The following EYS variants were observed in gnomAD, a reference collection of about 807,000 sequenced individuals.
EYS encodes the protein EGF-like photoreceptor maintenance factor.
A neutral mutation model predicts 282.1 loss-of-function variants in EYS; 250 were observed. That is an observed-to-expected ratio of 0.89 (90% CI 0.80 to 0.98). The LOEUF (loss-of-function observed/expected upper bound fraction) is 0.98. Among genes scored for constraint, EYS ranks in the 50% least tolerant of loss-of-function variants. EYS has a pLI of 0.00. For missense variants in EYS, 4,016 were observed against 3,709.0 expected (o/e 1.08, Z -2.15); for synonymous variants, 1,355 against 1,282.9 (o/e 1.06, Z -1.20).
chr6:64,030,240 AAAG>A (rs1366716054), intron 33 of EYS, among the ~76,000 whole-genome samples: 3 of 152,170 alleles, frequency 2.0e-5, no homozygotes, highest in African/African-American at 7.2e-5. Context: ...AGGAAGAGAC[AAAG>A]AAGAAGTCGA....
intron 22 of EYS, among the ~76,000 whole-genome samples, chr6:64,808,817 AT>A (rs1764511854): frequency 6.6e-6 from 1 of 152,218 alleles, no homozygotes; most frequent in East Asian, 1.9e-4. Context: ...TAGTTCTAAA[AT>A]AATTTAAAAT....
intron 12 of EYS, among the ~76,000 whole-genome samples, chr6:65,274,461 G>A (rs115148306): frequency 0.027 from 4,081 of 152,254 alleles, 75 homozygotes; most frequent in Non-Finnish European, 0.044. Flanking sequence ...GAGCAAATTA[G>A]CACATCTCCT....
At chr6:64,588,001 T>TG (rs1297512990) in intron 26 of EYS, among the ~76,000 whole-genome samples, 1 of 152,030 alleles carries the variant, frequency 6.6e-6, no homozygotes, top group Non-Finnish European at 1.5e-5. Flanking sequence ...TTTCCTTCAT[T>TG]GCCAGATAAT....
At chr6:65,386,717 A>T (rs1765816991) in intron 7 of EYS, among the ~76,000 whole-genome samples, 1 of 152,014 alleles carries the variant, frequency 6.6e-6, no homozygotes, top group South Asian at 2.1e-4. Context: ...AGAGAGACTT[A>T]TAGCTAACTA....
At chr6:64,290,559 G>A (rs7753480) in intron 30 of EYS, among the ~76,000 whole-genome samples, 114,378 of 151,868 alleles carry the variant, frequency 0.75, 43,665 homozygotes, top group African/African-American at 0.89. Context: ...ATTTTAGCTC[G>A]CTTAGCAGTC....
intron 34 of EYS, among the ~76,000 whole-genome samples, chr6:63,986,859 C>A (rs1314243257): frequency 6.6e-6 from 1 of 151,554 alleles, no homozygotes; most frequent in Admixed American, 6.6e-5. Context: ...ATGAAATAAT[C>A]TGTACAACAA....
chr6:65,494,635 T>G, intron 4 of EYS, 28 bp downstream of exon 4: 1 of 1,514,924 alleles, frequency 6.6e-7, no homozygotes, highest in Non-Finnish European at 8.9e-7. Context: ...TCTATTTTAA[T>G]AAAATTATAT....
At chr6:64,527,867 A>T (rs1777973202) in intron 26 of EYS, among the ~76,000 whole-genome samples, 1 of 151,844 alleles carries the variant, frequency 6.6e-6, no homozygotes, top group Non-Finnish European at 1.5e-5. Context: ...CAAGGGAAAA[A>T]GAGAAATCAC....
At chr6:64,216,327 T>C (rs887803463) in intron 31 of EYS, among the ~76,000 whole-genome samples, 3 of 152,178 alleles carry the variant, frequency 2.0e-5, no homozygotes, top group African/African-American at 7.2e-5. Context: ...AATATGGACT[T>C]TAAGGTATTC....
intron 31 of EYS, among the ~76,000 whole-genome samples, chr6:64,183,788 T>G (rs1764852841): frequency 6.6e-6 from 1 of 152,122 alleles, no homozygotes. Context: ...TTAATAAAAT[T>G]TTACAGCCTT....
intron 2 of EYS, among the ~76,000 whole-genome samples, chr6:65,602,082 A>G (rs944801741): frequency 6.6e-6 from 1 of 151,892 alleles, no homozygotes; most frequent in Non-Finnish European, 1.5e-5. Context: ...TTGTTATCAA[A>G]TTGAATGGAT....
chr6:65,325,484 A>G (rs1327800509), intron 11 of EYS, among the ~76,000 whole-genome samples: 1 of 152,088 alleles, frequency 6.6e-6, no homozygotes. Flanking sequence ...AGGTCTCACA[A>G]TTCATAAGTG....
chr6:65,081,521 A>G lies in EYS; in HGVS notation c.2024-23794T>C, dbSNP rs183089214. Among the ~76,000 whole-genome samples, 34 of 152,244 alleles carry G rather than the reference A, an allele frequency of 2.2e-4. No individual in the cohort carries two copies. The South Asian group carries it at 6.2e-3, about 28-fold the overall frequency. ...ACTGAAACTTCTCAATATTATTTAA[A>G]GAAATCATTCAACAAACAGATTTTA... is the stretch of plus-strand genomic sequence containing the variant. On this transcript the variant is annotated intron_variant, in intron 12 of 42. Coordinates refer to ENST00000503581, the MANE Select transcript of EYS (RefSeq NM_001142800.2).
At chr6:64,738,651 A>G (rs1213227628) in intron 22 of EYS, among the ~76,000 whole-genome samples, 8 of 152,222 alleles carry the variant, frequency 5.3e-5, no homozygotes, top group African/African-American at 1.9e-4. Flanking sequence ...CTATGTTCAT[A>G]TTTGAAAATT....
chr6:65,646,347 C>A (rs1767451217), intron 1 of EYS, among the ~76,000 whole-genome samples: 1 of 152,038 alleles, frequency 6.6e-6, no homozygotes, highest in Admixed American at 6.6e-5. Context: ...GGGTTTATAC[C>A]AGGGATGCAG....
chr6:65,453,332 T>A (rs1582315341), intron 5 of EYS, among the ~76,000 whole-genome samples: 1 of 152,056 alleles, frequency 6.6e-6, no homozygotes, highest in African/African-American at 2.4e-5. Context: ...TCTCAGCTTA[T>A]GTATTTAAAA....
At chr6:64,660,510 C>G (rs1768965936) in intron 22 of EYS, among the ~76,000 whole-genome samples, 1 of 152,104 alleles carries the variant, frequency 6.6e-6, no homozygotes, top group Admixed American at 6.6e-5. Flanking sequence ...CCCAAAATCT[C>G]CTTAAGCTGA....
At chr6:64,407,065 T>C (rs533405345) in intron 28 of EYS, among the ~76,000 whole-genome samples, 4 of 152,136 alleles carry the variant, frequency 2.6e-5, no homozygotes, top group South Asian at 2.1e-4. Flanking sequence ...CCATCAATGA[T>C]GGAATGGATA....
At chr6:64,447,938 A>G (rs1775171541) in intron 26 of EYS, among the ~76,000 whole-genome samples, 1 of 152,242 alleles carries the variant, frequency 6.6e-6, no homozygotes, top group African/African-American at 2.4e-5. Flanking sequence ...AAGGATAGAA[A>G]GTAACTTTCT....
Sources: gnomAD v4.1 joint callset for allele counts (sites outside exome capture counted in the v4.1 genomes callset) on GRCh38, gnomAD v4.1.1 for gene constraint, MANE v1.5 for transcripts, NCBI Gene and HGNC (gene_info 2026-07-23, HGNC 2026-07-21) for gene names.